Variants in F5 observed in about 807,000 individuals in gnomAD.
F5 encodes the protein coagulation factor V.
A neutral mutation model predicts 216.4 loss-of-function variants in F5; 138 were observed. The observed-to-expected ratio is 0.64, with a 90% confidence interval of 0.56 to 0.73. The LOEUF is 0.73. F5 is among the 30% of genes least tolerant of loss of function. F5 has a pLI of 0.00. For missense variants in F5, 2,403 were observed against 2,674.0 expected (o/e 0.90, Z 2.24); for synonymous variants, 916 against 930.7 (o/e 0.98, Z 0.29).
intron 1 of F5, among the ~76,000 whole-genome samples, chr1:169,584,217 G>T (rs1661050316): frequency 6.6e-6 from 1 of 152,144 alleles, no homozygotes; most frequent in Non-Finnish European, 1.5e-5. Flanking sequence ...TACTATGTAT[G>T]CTGTGTATTC....
intron 2 of F5, among the ~76,000 whole-genome samples, chr1:169,575,471 G>C (rs1183255953): frequency 2.0e-5 from 3 of 152,202 alleles, no homozygotes; most frequent in African/African-American, 7.2e-5. Context: ...CCAGATTTTG[G>C]TTTTAAAATC....
chr1:169,527,849 G>A, intron 17 of F5, 66 bp downstream of exon 17: 1 of 1,577,080 alleles, frequency 6.3e-7, no homozygotes. Flanking sequence ...GAAATGAGAA[G>A]GAGTTACAGA....
rs1054476938 is a variant in F5 at position 169,527,994 on chromosome 1, G to A, written c.5520C>T (p.His1840=). The A allele has an allele frequency of 4.3e-6, 7 of 1,613,902 alleles. No individual in the cohort carries two copies. Among genetic ancestry groups the A allele is most frequent in the Admixed American group, 1.7e-5 (1 of 59,972 alleles). The change falls in exon 17 of 25, where the codon CAC becomes CAT. Residue 1840 remains histidine, a synonymous_variant. Coordinates refer to ENST00000367797, the MANE Select transcript of F5 (RefSeq NM_000130.5). The part of the protein sequence containing the change: ...LLNIGGSQDI[H]VVHFHGQTLL... ...AGGTCTGGCCGTGAAAGTGAACCACGTGAATGTCTTGGGAGCCGCCTATGT... is the reference window on the plus strand; with the variant it reads ...AGGTCTGGCCGTGAAAGTGAACCACATGAATGTCTTGGGAGCCGCCTATGT...
chr1:169,518,316 T>C, intron 23 of F5, 96 bp downstream of exon 23: 1 of 1,445,980 alleles, frequency 6.9e-7, no homozygotes. Context: ...CAGATTAAAA[T>C]ACTCCTGCTT....
Position 169,513,946 on chromosome 1 carries a change from A to C in F5, c.*367T>G, listed in dbSNP as rs771034271. Among the ~76,000 whole-genome samples, 5 of 152,172 alleles carry C rather than the reference A, an allele frequency of 3.3e-5. No homozygotes were observed. Among genetic ancestry groups the C allele is most frequent in the Non-Finnish European group, 5.9e-5 (4 of 68,014 alleles). On this transcript the variant is annotated 3_prime_UTR_variant, in exon 25 of 25. Coordinates refer to ENST00000367797, the MANE Select transcript of F5 (RefSeq NM_000130.5). ...AAGTTATCCAGGTCTATCAATTATTATTTAAAGTAATATCTGTTTTACTAG... is the reference window on the plus strand; with the variant it reads ...AAGTTATCCAGGTCTATCAATTATTCTTTAAAGTAATATCTGTTTTACTAG...
intron 12 of F5, 33 bp from the exon 13 acceptor site, chr1:169,543,147 G>A (rs1571576331): frequency 1.3e-6 from 2 of 1,589,312 alleles, no homozygotes; most frequent in African/African-American, 1.3e-5. Context: ...AGAGAGATCT[G>A]GAAGTCTGGG....
At position 169,540,288 on chromosome 1, in the gene F5, C is replaced by A; in HGVS notation, c.4796+6G>T. The stretch of plus-strand genomic sequence containing the variant: ...TGAGAATAAAAAAGGAGAAAACTGG[C>A]CAAACCTTTGTACAAATTCTGAATA... On this transcript the variant is annotated splice_donor_region_variant and intron_variant, in intron 13 of 24. Transcript: ENST00000367797. The A allele has an allele frequency of 6.2e-7, 1 of 1,613,576 alleles. No homozygotes were observed. Among genetic ancestry groups the A allele is most frequent in the Non-Finnish European group, 8.5e-7 (1 of 1,179,720 alleles).
At chr1:169,514,590 G>T in intron 24 of F5, 131 bp from the exon 25 acceptor site, 1 of 751,162 alleles carries the variant, frequency 1.3e-6, no homozygotes, top group Non-Finnish European at 2.2e-6. Flanking sequence ...ATGGCTCACT[G>T]CAGCCTTAAA....
chr1:169,540,995 G>A lies in F5; in HGVS notation c.4095C>T (p.Thr1365=), dbSNP rs9332607. The A allele has an allele frequency of 0.37, 596,477 of 1,609,928 alleles. 119,203 individuals are homozygous for A. Among genetic ancestry groups the A allele is most frequent in the Non-Finnish European group, 0.42 (497,480 of 1,177,424 alleles). The change falls in exon 13 of 25, where the codon ACC becomes ACT. Residue 1365 remains threonine, a synonymous_variant. Transcript: ENST00000367797. Reference sequence around the variant, plus strand: ...TTGTCTGGCTGAGGTCTAGAGAAAGGGTTGTATGGCTGGGGTCTGGAGAAA... The same window carrying A: ...TTGTCTGGCTGAGGTCTAGAGAAAGAGTTGTATGGCTGGGGTCTGGAGAAA... ...MPLSPDPSHT[T]LSLDLSQTNL...
chr1:169,530,391 T>G (rs1659565318), intron 15 of F5, among the ~76,000 whole-genome samples: 1 of 152,224 alleles, frequency 6.6e-6, no homozygotes, highest in Admixed American at 6.5e-5. Flanking sequence ...TATGACATAT[T>G]GTTTTGAAGT....
At chr1:169,554,825 A>G (rs1660272317) in intron 7 of F5, among the ~76,000 whole-genome samples, 2 of 152,218 alleles carry the variant, frequency 1.3e-5, no homozygotes, top group South Asian at 4.1e-4. Flanking sequence ...TTTAAGAGCT[A>G]TTTGAATTTC....
chr1:169,555,634 A>T lies in F5; in HGVS notation c.953-287T>A, dbSNP rs1438596856. 3.3e-5 allele frequency among the ~76,000 whole-genome samples: 3 copies of T among 90,624 alleles called. 1 individual carries two copies. Among genetic ancestry groups the T allele is most frequent in the Non-Finnish European group, 5.9e-5 (3 of 50,792 alleles). The allele number at this position is 90,624 out of a possible 152,430, so 59.5% of individuals were successfully genotyped here. ...AATTTCTAATAATTTTTAACTTCTTAAGACCTTATGAATTAAGTCTTGTTA... is the reference window on the plus strand; with the variant it reads ...AATTTCTAATAATTTTTAACTTCTTTAGACCTTATGAATTAAGTCTTGTTA... On this transcript the variant is annotated intron_variant, in intron 6 of 24. Coordinates refer to ENST00000367797, the MANE Select transcript of F5 (RefSeq NM_000130.5).
intron 18 of F5, 64 bp downstream of exon 18, chr1:169,525,836 GT>G: frequency 9.2e-7 from 1 of 1,082,814 alleles, no homozygotes; most frequent in Non-Finnish European, 1.4e-6. Context: ...CAATCTAAAA[GT>G]TGGTAATATT....
intron 2 of F5, among the ~76,000 whole-genome samples, chr1:169,577,560 A>AATATATAT (rs3035292): frequency 0.017 from 942 of 54,256 alleles, 18 homozygotes; most frequent in Non-Finnish European, 0.021. Flanking sequence ...GGCTAATTTA[A>AATATATAT]ATATATATAT....
At chr1:169,566,269 A>C (rs1336421599) in intron 3 of F5, among the ~76,000 whole-genome samples, 1 of 152,112 alleles carries the variant, frequency 6.6e-6, no homozygotes, top group Admixed American at 6.6e-5. Context: ...CAACTGTTAA[A>C]ACATCACATG....
chr1:169,567,246 G>A (rs368230926), intron 3 of F5, among the ~76,000 whole-genome samples: 7 of 151,888 alleles, frequency 4.6e-5, no homozygotes, highest in African/African-American at 7.3e-5. Flanking sequence ...TCCCAAAGGA[G>A]GGGGGAGGGA....
intron 11 of F5, 96 bp downstream of exon 11, chr1:169,546,346 C>G (rs149704249): frequency 4.1e-6 from 6 of 1,456,688 alleles, no homozygotes; most frequent in Admixed American, 1.8e-5. Context: ...TGCCCCTTAG[C>G]GAGTAGATTT....
In F5 at chr1:169,549,814, C is replaced by T. The variant is rs1369851228; in HGVS notation, c.1598G>A (p.Arg533Lys). ...AGGACAAAATACCTGTATTCCTCGC[C>T]TGTCCAGGGATCTGCTCTTACAGAT... is the stretch of plus-strand genomic sequence containing the variant. ...LLICKSRSLD[R>K]RGIQRAADIE... The change falls in exon 10 of 25, where the codon AGG becomes AAG. Residue 533 changes from arginine to lysine, a missense_variant. Transcript: ENST00000367797. The T allele has an allele frequency of 1.2e-6, 2 of 1,613,522 alleles. No homozygotes were observed. Among genetic ancestry groups the T allele is most frequent in the Non-Finnish European group, 1.7e-6 (2 of 1,179,504 alleles).
intron 1 of F5, among the ~76,000 whole-genome samples, chr1:169,583,526 C>T (rs1661033859): frequency 6.6e-6 from 1 of 152,156 alleles, no homozygotes; most frequent in Non-Finnish European, 1.5e-5. Context: ...TCCATTTGTG[C>T]CTCAGTTTCT....
Sources: gnomAD v4.1 joint callset for allele counts (sites outside exome capture counted in the v4.1 genomes callset) on GRCh38, gnomAD v4.1.1 for gene constraint, MANE v1.5 for transcripts, NCBI Gene and HGNC (gene_info 2026-07-23, HGNC 2026-07-21) for gene names.